The following AGBL4 variants were observed in gnomAD, a reference collection of about 807,000 sequenced individuals.
AGBL4 encodes AGBL carboxypeptidase 4.
AGBL4 carries 58 observed loss-of-function variants against 66.4 expected under a neutral mutation model. The observed-to-expected ratio is 0.87, with a 90% CI of 0.71 to 1.09. The LOEUF is 1.09. Among genes scored for constraint, AGBL4 ranks in the 50% least tolerant of loss-of-function variants. The pLI, the probability that AGBL4 is intolerant of heterozygous loss-of-function variation, is 0.00. For missense variants in AGBL4, 579 were observed against 631.0 expected, an observed-to-expected ratio of 0.92 and a Z score of 0.88; for synonymous variants, 234 against 222.9, an observed-to-expected ratio of 1.05 and a Z score of -0.44.
At chr1:48,993,786 T>C (rs1173756060) in intron 5 of AGBL4, among the ~76,000 whole-genome samples, 1 of 152,154 alleles carries the variant, frequency 6.6e-6, no homozygotes, top group East Asian at 1.9e-4. Flanking sequence ...ACAGCAGCAC[T>C]GAGTTCCAAT....
intron 9 of AGBL4, among the ~76,000 whole-genome samples, chr1:48,623,645 T>A (rs565449946): frequency 2.6e-4 from 40 of 152,364 alleles, no homozygotes; most frequent in Middle Eastern, 3.4e-3. Context: ...AGCCTCTCAA[T>A]GGCAACAAGC....
intron 3 of AGBL4, among the ~76,000 whole-genome samples, chr1:49,311,949 T>C (rs1457777223): frequency 6.6e-6 from 1 of 152,074 alleles, no homozygotes; most frequent in Non-Finnish European, 1.5e-5. Flanking sequence ...CTCATTCACT[T>C]ACTAACCAAT....
intron 3 of AGBL4, among the ~76,000 whole-genome samples, chr1:49,272,235 A>G (rs1644076152): frequency 6.6e-6 from 1 of 152,188 alleles, no homozygotes; most frequent in Non-Finnish European, 1.5e-5. Flanking sequence ...GTGTAAAAAT[A>G]AAATCCTTGA....
intron 4 of AGBL4, among the ~76,000 whole-genome samples, chr1:49,086,777 C>T (rs1426463436): frequency 1.1e-4 from 17 of 152,144 alleles, no homozygotes; most frequent in Admixed American, 3.3e-4. Context: ...GGCACATCCC[C>T]GTATTCCCCC....
Position 49,298,905 on chromosome 1 carries a change from T to A in AGBL4, c.283-53041A>T, listed in dbSNP as rs12024817. 7.9e-3 allele frequency among the ~76,000 whole-genome samples: 1,201 copies of A among 152,274 alleles called. 8 individuals are homozygous for A. The highest frequency in any genetic ancestry group is 0.031 in the Middle Eastern group (9 of 294). ...TGATCCTCTGCAATCTAGCCACTCG[T>A]ATGTGTGTCCTGACTTCTCTACTGA... On this transcript the variant is annotated intron_variant, in intron 3 of 13. Coordinates refer to ENST00000371839, the MANE Select transcript of AGBL4 (RefSeq NM_032785.4).
intron 1 of AGBL4, among the ~76,000 whole-genome samples, chr1:50,022,255 ACAAG>A (rs1273669968): frequency 2.6e-5 from 4 of 152,216 alleles, no homozygotes; most frequent in Non-Finnish European, 5.9e-5. Context: ...AATAAGCAAT[ACAAG>A]CAAGTAAATT....
intron 4 of AGBL4, among the ~76,000 whole-genome samples, chr1:49,194,770 C>T (rs1376620003): frequency 1.3e-5 from 2 of 150,520 alleles, no homozygotes; most frequent in Admixed American, 6.6e-5. Flanking sequence ...AGAACAAAGT[C>T]TTGGCAGGCT....
At chr1:49,885,017 G>A (rs142293579) in intron 1 of AGBL4, among the ~76,000 whole-genome samples, 176 of 151,896 alleles carry the variant, frequency 1.2e-3, no homozygotes, top group African/African-American at 4.0e-3. Flanking sequence ...AAAAAAGCTC[G>A]ATTTGTTTCA....
At chr1:49,337,327 T>A (rs1228910729) in intron 3 of AGBL4, among the ~76,000 whole-genome samples, 2 of 152,230 alleles carry the variant, frequency 1.3e-5, no homozygotes, top group Non-Finnish European at 2.9e-5. Flanking sequence ...TTCATTAGAT[T>A]CTGGCTGTCA....
chr1:48,862,089 G>A (rs1388572874), intron 6 of AGBL4, among the ~76,000 whole-genome samples: 1 of 152,122 alleles, frequency 6.6e-6, no homozygotes, highest in Non-Finnish European at 1.5e-5. Flanking sequence ...AGACTGCCTT[G>A]AGAGATCACA....
At position 50,007,308 on chromosome 1, in the gene AGBL4, AAAG is replaced by A. The variant is rs532678229; in HGVS notation, c.34+16452_34+16454del. ...CAAAAAGGAAGACAAGGAAGGAAAG[AAAG>A]AAGACCACAAAACAATCAAAAAACA... is the stretch of plus-strand genomic sequence containing the variant. On this transcript the variant is annotated intron_variant, in intron 1 of 13. Transcript: ENST00000371839. Among the ~76,000 whole-genome samples the A allele has an allele frequency of 8.5e-5, 13 of 152,332 alleles. No homozygotes were observed. In the South Asian group the frequency reaches 2.7e-3, roughly 32 times the overall value.
intron 3 of AGBL4, among the ~76,000 whole-genome samples, chr1:49,530,991 G>T (rs1439837791): frequency 1.3e-5 from 2 of 151,966 alleles, no homozygotes; most frequent in African/African-American, 2.4e-5. Flanking sequence ...AAATACCTAG[G>T]TCAATACCTA....
intron 5 of AGBL4, among the ~76,000 whole-genome samples, chr1:48,974,497 AAC>A (rs1015450015): frequency 2.0e-5 from 3 of 152,278 alleles, no homozygotes; most frequent in Non-Finnish European, 2.9e-5. Context: ...AGGAGATATG[AAC>A]ACAGTGATGA....
intron 4 of AGBL4, among the ~76,000 whole-genome samples, chr1:49,070,700 T>C (rs1644585233): frequency 1.3e-5 from 2 of 151,974 alleles, no homozygotes; most frequent in Admixed American, 1.3e-4. Flanking sequence ...GTTCTTTTTT[T>C]GTTGTGTCTC....
At chr1:49,230,220 T>C (rs1650208648) in intron 4 of AGBL4, among the ~76,000 whole-genome samples, 1 of 152,196 alleles carries the variant, frequency 6.6e-6, no homozygotes, top group South Asian at 2.1e-4. Flanking sequence ...TTCTCCTCTC[T>C]GAGCCTTGTT....
chr1:49,235,419 A>C (rs1218367245), intron 4 of AGBL4, among the ~76,000 whole-genome samples: 2 of 152,224 alleles, frequency 1.3e-5, no homozygotes, highest in Non-Finnish European at 2.9e-5. Flanking sequence ...TTTTCCCTGC[A>C]TCAAGTTGTC....
At chr1:49,675,465 G>A (rs966925249) in intron 3 of AGBL4, among the ~76,000 whole-genome samples, 1 of 151,510 alleles carries the variant, frequency 6.6e-6, no homozygotes, top group African/African-American at 2.4e-5. Flanking sequence ...TTACCTGTTG[G>A]GTACAATATT....
At chr1:49,614,863 G>A (rs1256878330) in intron 3 of AGBL4, among the ~76,000 whole-genome samples, 3 of 151,956 alleles carry the variant, frequency 2.0e-5, no homozygotes, top group Admixed American at 6.6e-5. Flanking sequence ...CAACCTTAAG[G>A]TGTACAAGTG....
chr1:49,782,425 T>A (rs1390861780), intron 2 of AGBL4, among the ~76,000 whole-genome samples: 5 of 152,148 alleles, frequency 3.3e-5, no homozygotes. Flanking sequence ...GTATAAAATA[T>A]GAATGCATCT....
Sources: allele counts gnomAD v4.1 joint callset (sites outside exome capture counted in the v4.1 genomes callset), GRCh38; gene constraint gnomAD v4.1.1; transcripts MANE v1.5; gene names NCBI Gene and HGNC (gene_info 2026-07-23, HGNC 2026-07-21).